Variants in DLG2 observed in about 807,000 individuals in gnomAD.
DLG2 encodes the protein disks large homolog 2.
Under a neutral mutation model 132.5 loss-of-function variants are expected in DLG2, and 45 were observed. That is an observed-to-expected ratio of 0.34 (90% confidence interval 0.27 to 0.44). DLG2 has a LOEUF of 0.44. Ranked by LOEUF, DLG2 falls within the 20% of genes least tolerant of loss-of-function variation. The probability of loss-of-function intolerance (pLI) is 1.00; values close to 1 mark genes in which losing one functional copy is unlikely to be tolerated. For missense variants in DLG2, 1,045 were observed against 1,196.9 expected (o/e 0.87, Z 1.87); for synonymous variants, 424 against 419.6 (o/e 1.01, Z -0.13).
chr11:85,272,236 C>T (rs2077580461), intron 4 of DLG2, among the ~76,000 whole-genome samples: 1 of 152,100 alleles, frequency 6.6e-6, no homozygotes, highest in South Asian at 2.1e-4. Flanking sequence ...TATGATGTGC[C>T]TTCTTTCTGC....
intron 6 of DLG2, among the ~76,000 whole-genome samples, chr11:84,903,430 T>C (rs771192228): frequency 1.3e-5 from 2 of 152,050 alleles, no homozygotes; most frequent in Non-Finnish European, 2.9e-5. Flanking sequence ...ACCATTCCTA[T>C]AGAGTATGCT....
At chr11:85,247,935 A>C (rs1191578015) in intron 4 of DLG2, among the ~76,000 whole-genome samples, 1 of 152,084 alleles carries the variant, frequency 6.6e-6, no homozygotes, top group Non-Finnish European at 1.5e-5. Flanking sequence ...TTATCTTGAC[A>C]ACATTCATCA....
intron 16 of DLG2, among the ~76,000 whole-genome samples, chr11:83,863,600 C>T (rs2061799609): frequency 6.6e-6 from 1 of 152,028 alleles, no homozygotes; most frequent in South Asian, 2.1e-4. Context: ...GAACAAATCC[C>T]TACTTGTATC....
rs936205901 is a variant in DLG2, at chr11:84,655,200, A to G, written c.358-120469T>C. 3.9e-5 allele frequency among the ~76,000 whole-genome samples: 6 copies of G among 152,016 alleles called. 1 individual carries two copies. The highest frequency in any genetic ancestry group is 1.4e-4 in the African/African-American group (6 of 41,400). Reference sequence around the variant, plus strand: ...GTTTGCAGGGCAATTTAACCATTCTATTTCCTCCCGTCCCATTCCAATCTC... The same window carrying G: ...GTTTGCAGGGCAATTTAACCATTCTGTTTCCTCCCGTCCCATTCCAATCTC... On this transcript the variant is annotated intron_variant, in intron 6 of 27. Coordinates refer to ENST00000376104, the MANE Select transcript of DLG2 (RefSeq NM_001142699.3).
intron 18 of DLG2, among the ~76,000 whole-genome samples, chr11:83,641,616 G>A (rs2066532651): frequency 1.3e-5 from 2 of 152,120 alleles, no homozygotes; most frequent in South Asian, 2.1e-4. Context: ...TATTTGAGGA[G>A]CGTGGCTCCC....
chr11:85,240,853 G>A (rs183242223), intron 4 of DLG2, among the ~76,000 whole-genome samples: 183 of 151,732 alleles, frequency 1.2e-3, no homozygotes, highest in Non-Finnish European at 1.4e-3. Context: ...TTAATGCCTA[G>A]TGGTAAGCCA....
In DLG2 at chr11:84,848,231, C is replaced by T. The variant is rs149083093; in HGVS notation, c.357+263430G>A. Among the ~76,000 whole-genome samples, 546 of 152,170 alleles carry T rather than the reference C, an allele frequency of 3.6e-3. 2 individuals carry two copies. The highest frequency in any genetic ancestry group is 6.0e-3 in the Non-Finnish European group (407 of 67,998). On this transcript the variant is annotated intron_variant, in intron 6 of 27. Transcript: ENST00000376104. ...AGTGACGGCCTGGTGTGGTGGCTCA[C>T]GCTTGTAATCCCAGCACTTTGGGAG... is the stretch of plus-strand genomic sequence containing the variant.
chr11:83,949,715 T>G (rs923236876), intron 14 of DLG2, among the ~76,000 whole-genome samples: 1 of 152,294 alleles, frequency 6.6e-6, no homozygotes, highest in African/African-American at 2.4e-5. Flanking sequence ...TAACTGAAAC[T>G]TTGTATCTTT....
intron 6 of DLG2, among the ~76,000 whole-genome samples, chr11:84,774,332 T>C (rs80199278): frequency 0.015 from 2,354 of 152,138 alleles, 73 homozygotes; most frequent in African/African-American, 0.052. Flanking sequence ...TGCTCATAGA[T>C]TGGAAGAATC....
chr11:84,843,757 A>G (rs2081010023), intron 6 of DLG2, among the ~76,000 whole-genome samples: 1 of 151,864 alleles, frequency 6.6e-6, no homozygotes, highest in Non-Finnish European at 1.5e-5. Flanking sequence ...CAAGAAAAAA[A>G]GTCTATACAT....
intron 6 of DLG2, among the ~76,000 whole-genome samples, chr11:84,906,252 T>A: frequency 6.6e-6 from 1 of 150,994 alleles, no homozygotes; most frequent in East Asian, 1.9e-4. Context: ...TTTTTTTTTT[T>A]TACATCCCTA....
chr11:85,144,525 A>G (rs533257438), intron 5 of DLG2, among the ~76,000 whole-genome samples: 1 of 151,628 alleles, frequency 6.6e-6, no homozygotes. Context: ...TCCTTTGTGT[A>G]AAAGTGATTT....
chr11:84,598,615 G>T (rs2154531821), intron 6 of DLG2, among the ~76,000 whole-genome samples: 1 of 152,078 alleles, frequency 6.6e-6, no homozygotes, highest in South Asian at 2.1e-4. Flanking sequence ...TAATATTTTA[G>T]TTACTATGTT....
intron 7 of DLG2, among the ~76,000 whole-genome samples, chr11:84,285,695 A>C (rs2097902894): frequency 6.6e-6 from 1 of 152,226 alleles, no homozygotes; most frequent in Non-Finnish European, 1.5e-5. Context: ...CCAGCTGAGC[A>C]CCACTGCCCT....
intron 6 of DLG2, among the ~76,000 whole-genome samples, chr11:84,684,166 A>G (rs866402662): frequency 2.6e-5 from 4 of 152,318 alleles, no homozygotes; most frequent in African/African-American, 9.6e-5. Context: ...TACTTTGGCT[A>G]CAATATCAAG....
intron 19 of DLG2, among the ~76,000 whole-genome samples, chr11:83,551,008 A>G (rs1320153216): frequency 6.6e-6 from 1 of 152,136 alleles, no homozygotes; most frequent in Non-Finnish European, 1.5e-5. Flanking sequence ...TATATGCATG[A>G]CTCGTGAAGA....
At chr11:84,128,995 C>T (rs1330803364) in intron 9 of DLG2, among the ~76,000 whole-genome samples, 1 of 151,934 alleles carries the variant, frequency 6.6e-6, no homozygotes, top group African/African-American at 2.4e-5. Context: ...GATGCTGAGC[C>T]CAGAGAAAGT....
intron 3 of DLG2, among the ~76,000 whole-genome samples, chr11:85,419,607 T>C (rs1367519258): frequency 6.6e-6 from 1 of 152,236 alleles, no homozygotes; most frequent in Non-Finnish European, 1.5e-5. Context: ...AGTCCCATAT[T>C]TCTTGAAGGC....
chr11:85,502,985 C>T (rs1329737167), intron 3 of DLG2, among the ~76,000 whole-genome samples: 1 of 151,876 alleles, frequency 6.6e-6, no homozygotes, highest in Non-Finnish European at 1.5e-5. Context: ...ATGATATATA[C>T]CAATAAAAAA....
Sources: gnomAD v4.1 joint callset for allele counts (sites outside exome capture counted in the v4.1 genomes callset) on GRCh38, gnomAD v4.1.1 for gene constraint, MANE v1.5 for transcripts, NCBI Gene and HGNC (gene_info 2026-07-23, HGNC 2026-07-21) for gene names.